The following ZCCHC2 variants were observed in gnomAD, a reference collection of about 807,000 sequenced individuals.
ZCCHC2 encodes the protein zinc finger CCHC domain-containing protein 2.
In ZCCHC2, 39 loss-of-function variants were observed where a neutral mutation model predicts 103.6. The ratio of observed to expected loss-of-function variants is 0.38; its 90% CI spans 0.29 to 0.49. The LOEUF is 0.49. ZCCHC2 is among the 20% of genes least tolerant of loss of function. The probability of loss-of-function intolerance (pLI) is 0.96; values close to 1 mark genes in which losing one functional copy is unlikely to be tolerated. For synonymous variants in ZCCHC2, 687 were observed against 608.9 expected, an observed-to-expected ratio of 1.13 and a Z score of -1.89; for missense variants, 1,483 against 1,491.0, an observed-to-expected ratio of 0.99 and a Z score of 0.09.
chr18:62,571,753 T>G (rs1916607182), intron 12 of ZCCHC2, among the ~76,000 whole-genome samples: 1 of 152,244 alleles, frequency 6.6e-6, no homozygotes, highest in African/African-American at 2.4e-5. Context: ...ATTAAGATCC[T>G]TACCACATAT....
chr18:62,561,192 C>T (rs1916101086), intron 8 of ZCCHC2, among the ~76,000 whole-genome samples: 1 of 152,162 alleles, frequency 6.6e-6, no homozygotes, highest in South Asian at 2.1e-4. Flanking sequence ...GTCACATCGG[C>T]CAGTGATGAA....
chr18:62,542,018 G>A (rs936453115), intron 2 of ZCCHC2, among the ~76,000 whole-genome samples: 1 of 151,834 alleles, frequency 6.6e-6, no homozygotes, highest in African/African-American at 2.4e-5. Context: ...CCTCAGCTTG[G>A]TATATTACTT....
At chr18:62,549,971 A>G (rs1187130814) in intron 4 of ZCCHC2, among the ~76,000 whole-genome samples, 2 of 152,242 alleles carry the variant, frequency 1.3e-5, no homozygotes. Context: ...CAGGGTAAAA[A>G]TAGTACTAGC....
chr18:62,529,771 A>C (rs967910166), intron 1 of ZCCHC2, among the ~76,000 whole-genome samples: 1 of 152,184 alleles, frequency 6.6e-6, no homozygotes, highest in African/African-American at 2.4e-5. Flanking sequence ...GAGGAAGTAC[A>C]TTCTTTCTCT....
At chr18:62,560,357 A>T in intron 7 of ZCCHC2, 1 of 389,536 alleles carries the variant, frequency 2.6e-6, no homozygotes, top group Non-Finnish European at 4.6e-6. Context: ...ATAGTTTTGA[A>T]CAAGATTGAT....
At position 62,523,299 on chromosome 18, in the gene ZCCHC2, C is replaced by T. The variant is rs1914131183; in HGVS notation, c.-126C>T. 1.2e-5 allele frequency: 11 copies of T among 927,930 alleles called. No homozygotes were observed. Among genetic ancestry groups the T allele is most frequent in the Admixed American group, 1.2e-4 (2 of 16,006 alleles). The allele number at this position is 927,930 out of a possible 1,614,324, so 57.5% of individuals were successfully genotyped here. On this transcript the variant is annotated 5_prime_UTR_variant, in exon 1 of 14. Transcript: ENST00000269499. The stretch of plus-strand genomic sequence containing the variant: ...GCCGGCCGAGACCCGCCCCCGGCCC[C>T]GGCCCTCCCCCGGCGGCATGGAGGG...
At chr18:62,526,642 G>T (rs1914411249) in intron 1 of ZCCHC2, among the ~76,000 whole-genome samples, 1 of 151,936 alleles carries the variant, frequency 6.6e-6, no homozygotes, top group Admixed American at 6.6e-5. Flanking sequence ...ACCCGGGGAG[G>T]GCGGGCGCAC....
In ZCCHC2 at chr18:62,557,646, G is replaced by A. The variant is rs139950470; in HGVS notation, c.1409-1041G>A. Among the ~76,000 whole-genome samples, 284 of 152,318 alleles carry A rather than the reference G, an allele frequency of 1.9e-3. 1 individual carries two copies. Among genetic ancestry groups the A allele is most frequent in the Non-Finnish European group, 3.3e-3 (222 of 68,032 alleles). ...TAGCTATGTAGATTTAACCATCAGT[G>A]CTTTCCCCCTGCGCCAAATGTGTTT... On this transcript the variant is annotated intron_variant, in intron 6 of 13. Transcript: ENST00000269499.
rs1196993925 is a variant in ZCCHC2, at chr18:62,524,159, C to T, written c.735C>T (p.Pro245=). 2 of 1,546,102 alleles carry T rather than the reference C, an allele frequency of 1.3e-6. No homozygotes were observed. Among genetic ancestry groups the T allele is most frequent in the Non-Finnish European group, 1.7e-6 (2 of 1,145,992 alleles). ...GCCCGGAAGGCGGCATTGTGGAGCC[C>T]CGGGTCGGCGGCGGGCTTGGCTCCA... is the stretch of plus-strand genomic sequence containing the variant. The part of the protein sequence containing the change: ...GSGPEGGIVE[P]RVGGGLGSRA... The change falls in exon 1 of 14, where the codon CCC becomes CCT. Residue 245 remains proline, a synonymous_variant. Coordinates refer to ENST00000269499, the MANE Select transcript of ZCCHC2 (RefSeq NM_017742.6).
intron 1 of ZCCHC2, among the ~76,000 whole-genome samples, chr18:62,533,030 A>G (rs1003404752): frequency 2.0e-5 from 3 of 152,176 alleles, no homozygotes; most frequent in Non-Finnish European, 4.4e-5. Context: ...GTGAGCTGAG[A>G]TCATGCCACT....
At chr18:62,580,067 C>G (rs1917001825), downstream of ZCCHC2, among the ~76,000 whole-genome samples, 1 of 152,246 alleles carries the variant, frequency 6.6e-6, no homozygotes, top group Admixed American at 6.5e-5. Context: ...TCCCCACACA[C>G]TGCTCCTAAA....
At chr18:62,580,093 T>G (rs532948185), downstream of ZCCHC2, among the ~76,000 whole-genome samples, 2 of 152,356 alleles carry the variant, frequency 1.3e-5, no homozygotes, top group African/African-American at 4.8e-5. Flanking sequence ...CGTTTCTTTT[T>G]GTTTTTCTTG....
chr18:62,528,326 G>A (rs1239435817), intron 1 of ZCCHC2, among the ~76,000 whole-genome samples: 2 of 152,254 alleles, frequency 1.3e-5, no homozygotes, highest in Non-Finnish European at 2.9e-5. Flanking sequence ...CAGGTGCGGT[G>A]GCTCACGCCT....
chr18:62,583,646 TAAAAG>T (rs1191882888), intron 14 of ZCCHC2, among the ~76,000 whole-genome samples: 5 of 116,764 alleles, frequency 4.3e-5, no homozygotes, highest in African/African-American at 5.9e-5. Context: ...CCCATAATCT[TAAAAG>T]AATAAAAAAA....
At chr18:62,558,653 C>A in intron 6 of ZCCHC2, 34 bp from the exon 7 acceptor site, 4 of 1,251,516 alleles carry the variant, frequency 3.2e-6, no homozygotes, top group South Asian at 1.6e-5. Context: ...TTTAATTTTC[C>A]TAAAAAGTTA....
At chr18:62,538,448 A>G (rs1336159623) in intron 1 of ZCCHC2, among the ~76,000 whole-genome samples, 2 of 152,160 alleles carry the variant, frequency 1.3e-5, no homozygotes, top group Non-Finnish European at 2.9e-5. Context: ...TTTTAATAAA[A>G]TATATGGTCT....
chr18:62,569,140 A>G (rs967579994), intron 11 of ZCCHC2, among the ~76,000 whole-genome samples: 12 of 152,190 alleles, frequency 7.9e-5, no homozygotes, highest in African/African-American at 1.7e-4. Context: ...TTTTTCTTCA[A>G]TATTCACCTA....
intron 4 of ZCCHC2, 50 bp from the exon 5 acceptor site, chr18:62,550,298 A>C: frequency 7.4e-7 from 1 of 1,348,288 alleles, no homozygotes; most frequent in Non-Finnish European, 1.0e-6. Flanking sequence ...TAACATCTTT[A>C]CCAGTAAGTG....
At chr18:62,533,436 AATCAC>A (rs1325516805) in intron 1 of ZCCHC2, among the ~76,000 whole-genome samples, 6 of 150,910 alleles carry the variant, frequency 4.0e-5, no homozygotes, top group African/African-American at 7.3e-5. Flanking sequence ...GAGGCAGCAG[AATCAC>A]TTGAACCCGG....
Sources: allele counts gnomAD v4.1 joint callset (sites outside exome capture counted in the v4.1 genomes callset), GRCh38; gene constraint gnomAD v4.1.1; transcripts MANE v1.5; gene names NCBI Gene and HGNC (gene_info 2026-07-23, HGNC 2026-07-21).